Variants in PTX3 observed in about 807,000 individuals in gnomAD.
The protein encoded by PTX3 is pentraxin-related protein PTX3.
Under a neutral mutation model 23.5 loss-of-function variants are expected in PTX3, and 24 were observed. That is an observed-to-expected ratio of 1.02 (90% confidence interval 0.74 to 1.43). PTX3 has a LOEUF of 1.43. PTX3 is among the 40% of genes most tolerant of loss of function. PTX3 has a pLI of 0.00. For synonymous variants in PTX3, 218 were observed against 205.4 expected (o/e 1.06, Z -0.53); for missense variants, 510 against 497.5 (o/e 1.02, Z -0.24).
intron 2 of PTX3, 47 bp downstream of exon 2, chr3:157,437,961 G>T: frequency 6.6e-7 from 1 of 1,512,140 alleles, no homozygotes; most frequent in Non-Finnish European, 8.8e-7. Context: ...GCTTTGTTCC[G>T]GGAGCGCGCG....
chr3:157,438,071 A>ACACACACACC (rs1478919297), intron 2 of PTX3, among the ~76,000 whole-genome samples, 157 bp downstream of exon 2: 2 of 146,406 alleles, frequency 1.4e-5, no homozygotes, highest in South Asian at 2.2e-4. Flanking sequence ...ACACACACAC[A>ACACACACACC]CCCCTATTTC....
intron 2 of PTX3, among the ~76,000 whole-genome samples, chr3:157,440,895 T>C (rs998631482): frequency 7.2e-5 from 11 of 152,262 alleles, no homozygotes; most frequent in African/African-American, 1.9e-4. Flanking sequence ...ACCAGGCCCC[T>C]TGAAAGAATG....
At position 157,443,083 on chromosome 3, in the gene PTX3, C is replaced by T. The variant is rs1734268135; in HGVS notation, c.*104C>T. ...CAGTGCATAATAGGAACACTTGAGACTAATGAAAGAGAGAGTTGAGACCAA... is the reference window on the plus strand; with the variant it reads ...CAGTGCATAATAGGAACACTTGAGATTAATGAAAGAGAGAGTTGAGACCAA... On this transcript the variant is annotated 3_prime_UTR_variant, in exon 3 of 3. Transcript: ENST00000295927. 1 of 1,325,862 alleles carries T rather than the reference C, an allele frequency of 7.5e-7. No individual in the cohort carries two copies. Among genetic ancestry groups the T allele is most frequent in the African/African-American group, 1.5e-5 (1 of 67,460 alleles). 82.1% of individuals were successfully genotyped at this position (1,325,862 alleles called of 1,614,324 possible). A position where few individuals can be genotyped will look rare whatever the true frequency, so the allele number is the denominator to read the frequency against.
intron 2 of PTX3, among the ~76,000 whole-genome samples, chr3:157,440,741 G>A (rs368005852): frequency 2.6e-5 from 4 of 152,118 alleles, no homozygotes; most frequent in East Asian, 3.9e-4. Context: ...CCAGGGACAC[G>A]TAAAAGGTTT....
chr3:157,442,485 G>A lies in PTX3; in HGVS notation c.652G>A (p.Val218Ile), dbSNP rs1185013219. 1 of 1,614,182 alleles carries A rather than the reference G, an allele frequency of 6.2e-7. No individual in the cohort carries two copies. Among genetic ancestry groups the A allele is most frequent in the South Asian group, 1.1e-5 (1 of 91,086 alleles). Residue 218 changes from valine to isoleucine, a missense_variant, in exon 3 of 3, where the codon GTA becomes ATA. Coordinates refer to ENST00000295927, the MANE Select transcript of PTX3 (RefSeq NM_002852.4). Reference protein sequence around the residue: ...SACIWVKATDVLNKTILFSYG... With the variant: ...SACIWVKATDILNKTILFSYG... ...CTGCATTTGGGTCAAAGCCACAGAT[G>A]TATTAAACAAAACCATCCTGTTTTC...
rs373942546 is a variant in PTX3, at chr3:157,442,987, G to T, written c.*8G>T. 5.1e-6 allele frequency: 8 copies of T among 1,581,078 alleles called. No individual in the cohort carries two copies. Among genetic ancestry groups the T allele is most frequent in the African/African-American group, 1.4e-5 (1 of 73,392 alleles). The stretch of plus-strand genomic sequence containing the variant: ...GCTCAGTATGTTTCATAAATGTTGT[G>T]AAACTCCACTTGAAGCCAAAGAAAG... On this transcript the variant is annotated 3_prime_UTR_variant, in exon 3 of 3. Coordinates refer to ENST00000295927, the MANE Select transcript of PTX3 (RefSeq NM_002852.4).
In PTX3 at chr3:157,437,566, A is replaced by G; in HGVS notation, c.184A>G (p.Met62Val). ...CTCGGAATGGGACAAGCTCTTCATC[A>G]TGCTGGAGAACTCGCAGATGAGAGA... The part of the protein sequence containing the change: ...EHSEWDKLFI[M>V]LENSQMRERM... Residue 62 changes from methionine (M) to valine (V), a missense_variant, in exon 2 of 3, where the codon ATG becomes GTG. Coordinates refer to ENST00000295927, the MANE Select transcript of PTX3 (RefSeq NM_002852.4). 6.2e-7 allele frequency: 1 copy of G among 1,601,794 alleles called. No homozygotes were observed. Among genetic ancestry groups the G allele is most frequent in the Non-Finnish European group, 8.5e-7 (1 of 1,175,604 alleles).
chr3:157,437,195 C>T, intron 1 of PTX3, 132 bp downstream of exon 1: 1 of 1,253,636 alleles, frequency 8.0e-7, no homozygotes. Context: ...AAGTGAGAAG[C>T]ACTTGAAGAA....
rs1577670464 is a variant in PTX3 at position 157,442,530 on chromosome 3, C to T, written c.697C>T (p.Pro233Ser). 1.2e-6 allele frequency: 2 copies of T among 1,614,136 alleles called. No homozygotes were observed. The highest frequency in any genetic ancestry group is 4.5e-5 in the East Asian group (2 of 44,886). The change falls in exon 3 of 3, where the codon CCA (proline) becomes TCA (serine). Residue 233 changes from proline (P) to serine (S), a missense_variant. By Grantham distance (74) the Pro-to-Ser change is moderately conservative. Coordinates refer to ENST00000295927, the MANE Select transcript of PTX3 (RefSeq NM_002852.4). ...GTTTTCCTATGGCACAAAGAGGAAT[C>T]CATATGAAATCCAGCTGTATCTCAG... ...ILFSYGTKRN[P>S]YEIQLYLSYQ...
Position 157,437,506 on chromosome 3 carries a change from A to G in PTX3, c.131-7A>G. ...GGCTGCTAACGTGTGTGTATCCCGT[A>G]CTCTAGCCACGCCGTGCGCCTGCGG... On this transcript the variant is annotated splice_polypyrimidine_tract_variant and splice_region_variant and intron_variant, in intron 1 of 2. Transcript: ENST00000295927. 6.2e-7 allele frequency: 1 copy of G among 1,600,724 alleles called. No individual in the cohort carries two copies. The highest frequency in any genetic ancestry group is 8.5e-7 in the Non-Finnish European group (1 of 1,175,504).
chr3:157,438,059 A>C (rs1261159722), intron 2 of PTX3, 145 bp downstream of exon 2: 1 of 748,640 alleles, frequency 1.3e-6, no homozygotes, highest in Non-Finnish European at 2.1e-6. Flanking sequence ...ACACACACAC[A>C]CACACACACA....
chr3:157,442,958 A>G lies in PTX3; in HGVS notation c.1125A>G (p.Gly375=). 1 of 1,611,364 alleles carries G rather than the reference A, an allele frequency of 6.2e-7. No individual in the cohort carries two copies. Among genetic ancestry groups the G allele is most frequent in the Non-Finnish European group, 8.5e-7 (1 of 1,178,346 alleles). The change falls in exon 3 of 3, where the codon GGA becomes GGG. Residue 375 remains glycine (G), a synonymous_variant. Coordinates refer to ENST00000295927, the MANE Select transcript of PTX3 (RefSeq NM_002852.4). The part of the protein sequence containing the change: ...GWGVTEIQPH[G]GAQYVS ...GAGTCACAGAGATCCAGCCACATGG[A>G]GGAGCTCAGTATGTTTCATAAATGT... is the stretch of plus-strand genomic sequence containing the variant.
In PTX3 at chr3:157,442,454, T is replaced by C. The variant is rs992411939; in HGVS notation, c.621T>C (p.Phe207=). ...TGAGACCAATGAGGCTTGAGTCTTT[T>C]AGTGCCTGCATTTGGGTCAAAGCCA... ...HPVRPMRLES[F]SACIWVKATD... The change falls in exon 3 of 3, where the codon TTT becomes TTC. Residue 207 remains phenylalanine, a synonymous_variant. Transcript: ENST00000295927. 12 of 1,614,252 alleles carry C rather than the reference T, an allele frequency of 7.4e-6. No homozygotes were observed. Among genetic ancestry groups the C allele is most frequent in the Middle Eastern group, 1.6e-4 (1 of 6,062 alleles).
At chr3:157,441,179 A>G (rs1293079719) in intron 2 of PTX3, among the ~76,000 whole-genome samples, 2 of 152,214 alleles carry the variant, frequency 1.3e-5, no homozygotes, top group Admixed American at 1.3e-4. Context: ...TAGGGGTTCT[A>G]TTAATAAGAG....
Position 157,442,363 on chromosome 3 carries a change from T to C in PTX3, c.533-3T>C, listed in dbSNP as rs1364834414. The C allele has an allele frequency of 1.1e-5, 17 of 1,600,046 alleles. No individual in the cohort carries two copies. The highest frequency in any genetic ancestry group is 1.4e-5 in the Non-Finnish European group (16 of 1,168,102). On this transcript the variant is annotated splice_region_variant and splice_polypyrimidine_tract_variant and intron_variant, in intron 2 of 2. Coordinates refer to ENST00000295927, the MANE Select transcript of PTX3 (RefSeq NM_002852.4). ...TATTCTTCTTATTTTCTTGCTACTC[T>C]AGGTTGTGAAACAGCTATTTTATTC...
At chr3:157,439,944 G>T (rs2109219162) in intron 2 of PTX3, among the ~76,000 whole-genome samples, 1 of 152,194 alleles carries the variant, frequency 6.6e-6, no homozygotes, top group East Asian at 1.9e-4. Context: ...TAGAGACGGG[G>T]TTTCACCGTG....
chr3:157,441,326 A>G (rs1189349843), intron 2 of PTX3, among the ~76,000 whole-genome samples: 1 of 152,258 alleles, frequency 6.6e-6, no homozygotes, highest in Non-Finnish European at 1.5e-5. Flanking sequence ...TAAAATAGGA[A>G]TGTAAAAGAC....
At position 157,438,029 on chromosome 3, in the gene PTX3, G is replaced by GCA. The variant is rs1242214371; in HGVS notation, c.532+116_532+117insAC. 28 of 844,870 alleles carry GCA rather than the reference G, an allele frequency of 3.3e-5. No homozygotes were observed. The African/African-American group carries it at 5.2e-4, about 16-fold the overall frequency. 52.3% of individuals were successfully genotyped at this position (844,870 alleles called of 1,614,324 possible). On this transcript the variant is annotated intron_variant, in intron 2 of 2. Coordinates refer to ENST00000295927, the MANE Select transcript of PTX3 (RefSeq NM_002852.4). ...GGAAGCTTTCATGGGAAGCGCGCGC[G>GCA]CGCGCGCGCACACACACACACACAC...
At chr3:157,440,658 A>ATG (rs1325774101) in intron 2 of PTX3, among the ~76,000 whole-genome samples, 2 of 152,090 alleles carry the variant, frequency 1.3e-5, no homozygotes, top group East Asian at 3.9e-4. Flanking sequence ...ATATGTATAT[A>ATG]TGTGTGTATA....
Sources: allele counts gnomAD v4.1 joint callset (sites outside exome capture counted in the v4.1 genomes callset), GRCh38; gene constraint gnomAD v4.1.1; transcripts MANE v1.5; gene names NCBI Gene and HGNC (gene_info 2026-07-23, HGNC 2026-07-21).